Variants in PDE11A observed in about 807,000 individuals in gnomAD.
PDE11A encodes phosphodiesterase 11A.
PDE11A carries 100 observed loss-of-function variants against 100.5 expected under a neutral mutation model. That is an observed-to-expected ratio of 1.00 (90% CI 0.85 to 1.18). The LOEUF is 1.18. Among genes scored for constraint, PDE11A ranks in the 50% most tolerant of loss-of-function variants. The probability of loss-of-function intolerance (pLI) is 0.00; values close to 1 mark genes in which losing one functional copy is unlikely to be tolerated. For synonymous variants in PDE11A, 381 were observed against 420.8 expected (o/e 0.91, Z 1.16); for missense variants, 1,141 against 1,152.6 (o/e 0.99, Z 0.15).
At chr2:177,866,419 T>C (rs1322074954) in intron 5 of PDE11A, among the ~76,000 whole-genome samples, 2 of 152,218 alleles carry the variant, frequency 1.3e-5, no homozygotes, top group Non-Finnish European at 2.9e-5. Context: ...TTATATTCAC[T>C]CCTTACTTGT....
intron 4 of PDE11A, among the ~76,000 whole-genome samples, chr2:177,883,500 G>A (rs1214276697): frequency 4.6e-5 from 7 of 152,082 alleles, no homozygotes. Flanking sequence ...GTTCACAAAT[G>A]TTTCACCACA....
intron 3 of PDE11A, among the ~76,000 whole-genome samples, chr2:177,898,560 G>A (rs1194474683): frequency 1.3e-5 from 2 of 152,152 alleles, no homozygotes; most frequent in African/African-American, 4.8e-5. Flanking sequence ...CTTGACTATA[G>A]ATTAGCCTTC....
chr2:177,878,674 T>C (rs1233500417), intron 4 of PDE11A, among the ~76,000 whole-genome samples: 2 of 152,124 alleles, frequency 1.3e-5, no homozygotes, highest in Non-Finnish European at 2.9e-5. Flanking sequence ...GGGGGTTAAG[T>C]GGTTTGCTGG....
chr2:177,970,574 A>G (rs911596961), intron 2 of PDE11A, among the ~76,000 whole-genome samples: 8 of 152,036 alleles, frequency 5.3e-5, no homozygotes, highest in African/African-American at 1.9e-4. Context: ...GATTCAGGGT[A>G]TGTAGCATTT....
At chr2:177,941,994 G>A (rs13382373) in intron 2 of PDE11A, among the ~76,000 whole-genome samples, 5,814 of 152,274 alleles carry the variant, frequency 0.038, 383 homozygotes, top group African/African-American at 0.13. Flanking sequence ...CTGTGGCTAC[G>A]GAGCAGGACT....
chr2:177,688,926 A>T (rs1046176140), intron 15 of PDE11A, among the ~76,000 whole-genome samples: 7 of 152,158 alleles, frequency 4.6e-5, no homozygotes, highest in Non-Finnish European at 7.4e-5. Flanking sequence ...TAATCATGAA[A>T]TTTTTTGCAA....
At chr2:177,907,833 T>G (rs957235647) in intron 2 of PDE11A, among the ~76,000 whole-genome samples, 8 of 152,228 alleles carry the variant, frequency 5.3e-5, no homozygotes, top group African/African-American at 1.7e-4. Context: ...TCTGCTGTCA[T>G]GCAATCTACT....
chr2:177,942,603 T>C (rs553991925), intron 2 of PDE11A, among the ~76,000 whole-genome samples: 5 of 152,252 alleles, frequency 3.3e-5, no homozygotes, highest in Admixed American at 2.0e-4. Flanking sequence ...GGTTTCACCA[T>C]GTTGGTCAGG....
At chr2:178,081,745 AGTTGCAAACAATTCTGGTGAT>A (rs2087287586) in intron 2 of PDE11A, among the ~76,000 whole-genome samples, 1 of 152,192 alleles carries the variant, frequency 6.6e-6, no homozygotes, top group Admixed American at 6.5e-5. Flanking sequence ...TTCTTTCTTC[AGTTGCAAACAATTCTGGTGAT>A]TTTCTTTCAA....
At chr2:177,843,112 G>T (rs1227112899) in intron 5 of PDE11A, among the ~76,000 whole-genome samples, 1 of 152,112 alleles carries the variant, frequency 6.6e-6, no homozygotes, top group Non-Finnish European at 1.5e-5. Flanking sequence ...GTGGGCCAAG[G>T]GTCAGGCCAG....
At chr2:178,002,342 T>C (rs183284534) in intron 2 of PDE11A, among the ~76,000 whole-genome samples, 63 of 152,318 alleles carry the variant, frequency 4.1e-4, no homozygotes, top group African/African-American at 1.4e-3. Flanking sequence ...GTTGATTCCA[T>C]GCTTTGCTAT....
intron 1 of PDE11A, among the ~76,000 whole-genome samples, chr2:178,037,402 A>G (rs557918528): frequency 2.0e-4 from 31 of 152,322 alleles, no homozygotes; most frequent in African/African-American, 4.8e-4. Flanking sequence ...GAGAAATAGA[A>G]ACACGTTTAC....
At chr2:177,658,292 T>A (rs1392477073) in intron 19 of PDE11A, among the ~76,000 whole-genome samples, 1 of 152,170 alleles carries the variant, frequency 6.6e-6, no homozygotes, top group Non-Finnish European at 1.5e-5. Context: ...GAGATTGAGA[T>A]ACTTTAATAG....
chr2:177,673,853 TTGC>T (rs1233966347), intron 17 of PDE11A, among the ~76,000 whole-genome samples: 1 of 152,146 alleles, frequency 6.6e-6, no homozygotes, highest in Non-Finnish European at 1.5e-5. Context: ...TGATGAATTG[TTGC>T]GGGAAGCATT....
chr2:178,003,397 C>T (rs906695355), intron 2 of PDE11A, among the ~76,000 whole-genome samples: 4 of 152,074 alleles, frequency 2.6e-5, no homozygotes, highest in Non-Finnish European at 4.4e-5. Context: ...CTGATACATG[C>T]TACAACATGG....
chr2:177,684,605 G>T (rs1265440294), intron 15 of PDE11A, among the ~76,000 whole-genome samples: 11 of 152,130 alleles, frequency 7.2e-5, no homozygotes, highest in Admixed American at 7.2e-4. Flanking sequence ...TTACATGACT[G>T]ACCTTGAGTA....
intron 19 of PDE11A, among the ~76,000 whole-genome samples, chr2:177,657,774 C>T (rs1322084180): frequency 6.6e-6 from 1 of 152,144 alleles, no homozygotes. Flanking sequence ...TTTCAAATTT[C>T]AGAGCCTAAT....
intron 1 of PDE11A, among the ~76,000 whole-genome samples, chr2:178,107,104 G>A (rs2087628697): frequency 2.6e-5 from 4 of 151,750 alleles, no homozygotes; most frequent in Non-Finnish European, 4.4e-5. Context: ...TTAAAGTCAC[G>A]TGTAACATAT....
chr2:177,674,509 T>G (rs1342615570), intron 17 of PDE11A, among the ~76,000 whole-genome samples: 1 of 152,180 alleles, frequency 6.6e-6, no homozygotes. Flanking sequence ...AGTGTGTAAT[T>G]TCCCCCTGCT....
Sources: allele counts gnomAD v4.1 joint callset (sites outside exome capture counted in the v4.1 genomes callset), GRCh38; gene constraint gnomAD v4.1.1; transcripts MANE v1.5; gene names NCBI Gene and HGNC (gene_info 2026-07-23, HGNC 2026-07-21).